Variants in DHTKD1 observed in about 807,000 individuals in gnomAD.
The protein encoded by DHTKD1 is 2-oxoadipate dehydrogenase complex component E1.
Under a neutral mutation model 101.8 loss-of-function variants are expected in DHTKD1, and 78 were observed. That is an observed-to-expected ratio of 0.77 (90% CI 0.64 to 0.93). The LOEUF is 0.93. Ranked by LOEUF, DHTKD1 falls within the 40% of genes least tolerant of loss-of-function variation. DHTKD1 has a pLI of 0.00. For missense variants in DHTKD1, 1,223 were observed against 1,161.7 expected (o/e 1.05, Z -0.77); for synonymous variants, 462 against 450.3 (o/e 1.03, Z -0.33).
At chr10:12,111,264 C>T (rs1019317971) in intron 12 of DHTKD1, among the ~76,000 whole-genome samples, 1 of 152,120 alleles carries the variant, frequency 6.6e-6, no homozygotes, top group Non-Finnish European at 1.5e-5. Flanking sequence ...CTCCCAGGTT[C>T]AAGCAATTCT....
chr10:12,069,125 A>G lies in DHTKD1; in HGVS notation c.92A>G (p.Tyr31Cys). The G allele has an allele frequency of 1.2e-6, 2 of 1,603,476 alleles. No homozygotes were observed. The highest frequency in any genetic ancestry group is 1.7e-6 in the Non-Finnish European group (2 of 1,176,508). ...WRGYQTERGV[Y>C]GYRPRKPESR... ...GGCTACCAGACCGAGCGGGGCGTTT[A>G]CGGCTACCGGCCGAGGAAGCCCGAG... is the stretch of plus-strand genomic sequence containing the variant. Residue 31 changes from tyrosine to cysteine, a missense_variant, in exon 1 of 17, where the codon TAC (tyrosine) becomes TGC (cysteine). Coordinates refer to ENST00000263035, the MANE Select transcript of DHTKD1 (RefSeq NM_018706.7).
chr10:12,088,274 G>A (rs946120645), intron 4 of DHTKD1, among the ~76,000 whole-genome samples: 2 of 151,958 alleles, frequency 1.3e-5, no homozygotes, highest in African/African-American at 4.8e-5. Flanking sequence ...GGGTAACCTC[G>A]CAAAACTCTG....
chr10:12,079,911 G>A (rs1832788490), intron 1 of DHTKD1, among the ~76,000 whole-genome samples: 1 of 152,162 alleles, frequency 6.6e-6, no homozygotes, highest in Non-Finnish European at 1.5e-5. Flanking sequence ...CACCTAACTG[G>A]TGTATGAGTG....
chr10:12,095,069 C>T (rs1033486174), intron 7 of DHTKD1, among the ~76,000 whole-genome samples: 11 of 152,174 alleles, frequency 7.2e-5, no homozygotes, highest in South Asian at 2.1e-4. Context: ...ACTGCAGTGT[C>T]GGCAGGACCA....
intron 2 of DHTKD1, among the ~76,000 whole-genome samples, chr10:12,083,664 G>A (rs1200754998): frequency 6.6e-6 from 1 of 152,018 alleles, no homozygotes; most frequent in Admixed American, 6.6e-5. Context: ...AACCTGGGAG[G>A]CAGAGGTTGC....
At position 12,110,348 on chromosome 10, in the gene DHTKD1, A is replaced by T. The variant is rs1197832850; in HGVS notation, c.2154+2333A>T. On this transcript the variant is annotated intron_variant, in intron 12 of 16. Coordinates refer to ENST00000263035, the MANE Select transcript of DHTKD1 (RefSeq NM_018706.7). This position sits in a 1 kb window ranked among gnomAD's most constrained non-coding sequence, Gnocchi z 4.9. ...AATTCATAAACTTTCTTAAAACATT[A>T]TTTGTGATTTTTTTTTTTTACCTTA... Among the ~76,000 whole-genome samples the T allele has an allele frequency of 9.9e-5, 15 of 151,176 alleles. No individual in the cohort carries two copies.
chr10:12,087,548 T>C lies in DHTKD1; in HGVS notation c.536T>C (p.Phe179Ser), dbSNP rs1374451398. ...LMLESQEFDHFLATKFSTVKR... is the reference protein window; with the variant it reads ...LMLESQEFDHSLATKFSTVKR... ...GATGTTCTGCAGGAGTTTGACCACT[T>C]TCTGGCCACCAAGTTCTCGACAGTG... Residue 179 changes from phenylalanine (F) to serine (S), a missense_variant, in exon 4 of 17, where the codon TTT (phenylalanine) becomes TCT (serine). Physicochemically the swap from Phe to Ser is radical, Grantham distance 155. Coordinates refer to ENST00000263035, the MANE Select transcript of DHTKD1 (RefSeq NM_018706.7). The surrounding 1 kb of genome is among the most constrained non-coding windows in gnomAD (Gnocchi z 5.2). The C allele has an allele frequency of 6.2e-7, 1 of 1,600,350 alleles. No homozygotes were observed. Among genetic ancestry groups the C allele is most frequent in the African/African-American group, 1.3e-5 (1 of 74,570 alleles).
Position 12,091,557 on chromosome 10 carries a change from A to G in DHTKD1, c.1032A>G (p.Glu344=). 6.2e-7 allele frequency: 1 copy of G among 1,612,526 alleles called. No individual in the cohort carries two copies. The highest frequency in any genetic ancestry group is 8.5e-7 in the Non-Finnish European group (1 of 1,179,804). ...ASFCGQGIVP[E]TFTLSNLPHF... ...TCTGTGGTCAAGGGATTGTTCCTGA[A>G]ACATTCACGCTGTCCAATCTCCCAC... The change falls in exon 6 of 17, where the codon GAA becomes GAG. Residue 344 remains glutamate, a synonymous_variant. Transcript: ENST00000263035.
At chr10:12,069,345 TGGGTGCTCAGTGTTG>T in intron 1 of DHTKD1, among the ~76,000 whole-genome samples, 158 bp downstream of exon 1, 1 of 151,990 alleles carries the variant, frequency 6.6e-6, no homozygotes, top group African/African-American at 2.4e-5. Context: ...AGGGTAGGTG[TGGGTGCTCAGTGTTG>T]GGGTCATCCC....
At chr10:12,093,617 CTA>C (rs1833024807) in intron 6 of DHTKD1, among the ~76,000 whole-genome samples, 1 of 152,182 alleles carries the variant, frequency 6.6e-6, no homozygotes, top group Non-Finnish European at 1.5e-5. Context: ...TTGGGCTTGT[CTA>C]TGTGAATCCT....
intron 5 of DHTKD1, among the ~76,000 whole-genome samples, chr10:12,090,762 C>T (rs1468837787): frequency 6.6e-6 from 1 of 152,092 alleles, no homozygotes; most frequent in Non-Finnish European, 1.5e-5. Context: ...GTAGATATTA[C>T]AGGTGTGAAC....
chr10:12,084,318 TAAA>T (rs1564389990), intron 2 of DHTKD1, among the ~76,000 whole-genome samples: 4 of 149,318 alleles, frequency 2.7e-5, no homozygotes, highest in Non-Finnish European at 4.5e-5. Flanking sequence ...TTTTTTTTTT[TAAA>T]TTTTTTTTAA....
intron 15 of DHTKD1, 98 bp from the exon 16 acceptor site, chr10:12,120,084 C>T (rs368938403): frequency 8.0e-6 from 7 of 876,974 alleles, no homozygotes; most frequent in African/African-American, 3.4e-5. Flanking sequence ...TTCACACCAT[C>T]GTAAAGTTGA....
chr10:12,117,339 A>G (rs1701468), intron 13 of DHTKD1, among the ~76,000 whole-genome samples: 135,187 of 135,304 alleles, frequency 1, 67,536 homozygotes, highest in Middle Eastern at 1. Flanking sequence ...AATAGAGGCA[A>G]GGCACCAGTG....
chr10:12,084,017 G>C (rs990076211), intron 2 of DHTKD1, among the ~76,000 whole-genome samples: 1 of 151,922 alleles, frequency 6.6e-6, no homozygotes, highest in Non-Finnish European at 1.5e-5. Flanking sequence ...CTGCCTCCCA[G>C]GTTCAAGCAA....
Position 12,087,872 on chromosome 10 carries a change from G to GATTGC in DHTKD1, c.717+144_717+145insTTGCA. 1 of 689,258 alleles carries GATTGC rather than the reference G, an allele frequency of 1.5e-6. No homozygotes were observed. Among genetic ancestry groups the GATTGC allele is most frequent in the African/African-American group, 1.8e-5 (1 of 54,486 alleles). The allele number at this position is 689,258 out of a possible 1,614,324, so 42.7% of individuals were successfully genotyped here. ...CACACCTGCAATCCCAGCCTGTTGG[G>GATTGC]AGGATGAGGCAGGAGGATGGCTTGA... On this transcript the variant is annotated intron_variant, in intron 4 of 16. Transcript: ENST00000263035. This position sits in a 1 kb window ranked among gnomAD's most constrained non-coding sequence, Gnocchi z 5.2.
chr10:12,087,873 A>ATT lies in DHTKD1; in HGVS notation c.717+144_717+145insTT. ...ACACCTGCAATCCCAGCCTGTTGGG[A>ATT]GGATGAGGCAGGAGGATGGCTTGAA... On this transcript the variant is annotated intron_variant, in intron 4 of 16. Coordinates refer to ENST00000263035, the MANE Select transcript of DHTKD1 (RefSeq NM_018706.7). The surrounding 1 kb of genome is among the most constrained non-coding windows in gnomAD (Gnocchi z 5.2). 3 of 665,260 alleles carry ATT rather than the reference A, an allele frequency of 4.5e-6. No homozygotes were observed. Among genetic ancestry groups the ATT allele is most frequent in the African/African-American group, 1.9e-5 (1 of 54,002 alleles). The allele number at this position is 665,260 out of a possible 1,614,324, so 41.2% of individuals were successfully genotyped here.
chr10:12,100,047 G>A (rs1428314085), intron 8 of DHTKD1, 131 bp from the exon 9 acceptor site: 4 of 513,564 alleles, frequency 7.8e-6, no homozygotes, highest in Non-Finnish European at 1.4e-5. Context: ...CCACCCGCCT[G>A]GGCCTCCCAA....
intron 8 of DHTKD1, among the ~76,000 whole-genome samples, chr10:12,098,517 CTT>C (rs1833108523): frequency 1.3e-5 from 2 of 152,234 alleles, no homozygotes; most frequent in East Asian, 3.9e-4. Context: ...AGTTAAATGT[CTT>C]TTTCTTTCTT....
Sources: allele counts gnomAD v4.1 joint callset (sites outside exome capture counted in the v4.1 genomes callset), GRCh38; gene constraint gnomAD v4.1.1; non-coding constraint Gnocchi (gnomAD v3.1); transcripts MANE v1.5; gene names NCBI Gene and HGNC (gene_info 2026-07-23, HGNC 2026-07-21).